Variants in DCLK3 observed in about 807,000 individuals in gnomAD.
The protein encoded by DCLK3 is serine/threonine-protein kinase DCLK3.
A neutral mutation model predicts 46.4 loss-of-function variants in DCLK3; 30 were observed. The observed-to-expected ratio is 0.65, with a 90% confidence interval of 0.48 to 0.88. The LOEUF (loss-of-function observed/expected upper bound fraction) is 0.88, where lower values mean the gene tolerates loss of function less well. Among genes scored for constraint, DCLK3 ranks in the 40% least tolerant of loss-of-function variants. The pLI, the probability that DCLK3 is intolerant of heterozygous loss-of-function variation, is 0.00. For synonymous variants in DCLK3, 401 were observed against 339.2 expected, an observed-to-expected ratio of 1.18 and a Z score of -2.00; for missense variants, 846 against 907.1, an observed-to-expected ratio of 0.93 and a Z score of 0.87.
chr3:36,731,084 G>C (rs1701192864), intron 2 of DCLK3, among the ~76,000 whole-genome samples: 1 of 152,156 alleles, frequency 6.6e-6, no homozygotes. Context: ...GCTAATGGCA[G>C]CTCTGAGCAA....
intron 1 of DCLK3, among the ~76,000 whole-genome samples, chr3:36,740,314 TG>T (rs1471219020): frequency 2.0e-5 from 3 of 152,170 alleles, no homozygotes; most frequent in Non-Finnish European, 4.4e-5. Flanking sequence ...ATAATTTCAC[TG>T]TATTAGTAGT....
At chr3:36,736,962 G>C (rs1050493370) in intron 2 of DCLK3, among the ~76,000 whole-genome samples, 1 of 152,156 alleles carries the variant, frequency 6.6e-6, no homozygotes, top group African/African-American at 2.4e-5. Flanking sequence ...TTCTCCCAGA[G>C]ATGAAGAGAC....
intron 4 of DCLK3, among the ~76,000 whole-genome samples, chr3:36,716,125 A>G (rs760657309): frequency 3.3e-5 from 5 of 152,206 alleles, no homozygotes; most frequent in African/African-American, 7.2e-5. Context: ...GCCCAAGACC[A>G]TGACTGATTT....
At chr3:36,758,991 G>A (rs558475668) in intron 1 of DCLK3, among the ~76,000 whole-genome samples, 1 of 152,280 alleles carries the variant, frequency 6.6e-6, no homozygotes, top group African/African-American at 2.4e-5. Context: ...TAGCTGTGTT[G>A]ATATTTTATT....
intron 1 of DCLK3, among the ~76,000 whole-genome samples, chr3:36,741,444 A>G (rs1701343744): frequency 6.6e-6 from 1 of 152,210 alleles, no homozygotes; most frequent in Non-Finnish European, 1.5e-5. Context: ...GGAAAAGGAT[A>G]GGCAGGCCCA....
rs760755792 is a variant in DCLK3, at chr3:36,737,289, C to A, written c.1878G>T (p.Met626Ile). ...CGAGGGCTTTGCATAAGTCCATGATCATGAGGGCAGCATCGGGCTCCGGGA... is the reference window on the plus strand; with the variant it reads ...CGAGGGCTTTGCATAAGTCCATGATAATGAGGGCAGCATCGGGCTCCGGGA... Reference protein sequence around the residue: ...VKFPEPDAALMIMDLCKALVH... With the variant: ...VKFPEPDAALIIMDLCKALVH... The change falls in exon 2 of 5, where the codon ATG becomes ATT. Residue 626 changes from methionine (M) to isoleucine (I), a missense_variant. Around this residue, in one of 3 missense-constraint regions of DCLK3, gnomAD observed 247 missense variants for 322.8 expected, o/e 0.77. Transcript: ENST00000636136. The surrounding 1 kb of genome is among the most constrained non-coding windows in gnomAD (Gnocchi z 4.4). 6.2e-7 allele frequency: 1 copy of A among 1,614,084 alleles called. No homozygotes were observed. Among genetic ancestry groups the A allele is most frequent in the East Asian group, 2.2e-5 (1 of 44,892 alleles).
At position 36,764,514 on chromosome 3, in the gene DCLK3, C is replaced by A. The variant is rs1701569412; in HGVS notation, c.-251G>T. Among the ~76,000 whole-genome samples the A allele has an allele frequency of 6.6e-6, 1 of 152,110 alleles. No individual in the cohort carries two copies. The highest frequency in any genetic ancestry group is 1.5e-5 in the Non-Finnish European group (1 of 67,982). On this transcript the variant is annotated 5_prime_UTR_variant, in exon 1 of 5. It adds an upstream start codon to the 5' untranslated region. Transcript: ENST00000636136. This position sits in a 1 kb window ranked among gnomAD's most constrained non-coding sequence, Gnocchi z 4.9. ...CAACCGCGCACCAGCTGCAGCCGCCCTCTCTGCGCCGGTCCCGCCATGCGC... is the reference window on the plus strand; with the variant it reads ...CAACCGCGCACCAGCTGCAGCCGCCATCTCTGCGCCGGTCCCGCCATGCGC...
intron 2 of DCLK3, among the ~76,000 whole-genome samples, chr3:36,726,055 A>T (rs1470130899): frequency 1.3e-5 from 2 of 152,200 alleles, no homozygotes; most frequent in Non-Finnish European, 2.9e-5. Context: ...TAAGTGTGGC[A>T]AGTATTTAGG....
chr3:36,742,626 T>TTC (rs1701354519), intron 1 of DCLK3, among the ~76,000 whole-genome samples: 1 of 152,236 alleles, frequency 6.6e-6, no homozygotes, highest in Non-Finnish European at 1.5e-5. Context: ...TTCTTCTAGC[T>TTC]ATGACTGCTT....
chr3:36,741,841 G>A (rs1701347679), intron 1 of DCLK3, among the ~76,000 whole-genome samples: 1 of 152,154 alleles, frequency 6.6e-6, no homozygotes, highest in East Asian at 1.9e-4. Context: ...TGTTATAGGA[G>A]GGAAGAAAAA....
chr3:36,761,761 C>G (rs1701541789), intron 1 of DCLK3, among the ~76,000 whole-genome samples: 1 of 152,110 alleles, frequency 6.6e-6, no homozygotes, highest in Admixed American at 6.6e-5. Flanking sequence ...AGACAAGACC[C>G]CTCTGAGAAC....
In DCLK3 at chr3:36,713,827, G is replaced by C. The variant is rs76601472; in HGVS notation, c.*1501C>G. 1 of 152,230 alleles carries C rather than the reference G, an allele frequency of 6.6e-6. No homozygotes were observed. The highest frequency in any genetic ancestry group is 1.5e-5 in the Non-Finnish European group (1 of 68,072). The allele number at this position is 152,230 out of a possible 1,614,324, so 9.4% of individuals were successfully genotyped here. A position where few individuals can be genotyped will look rare whatever the true frequency, so the allele number is the denominator to read the frequency against. ...TGGATGGCCCTTCAGTATTGTCCCT[G>C]TTTGGGACAAAGGAGCTGAGCCACC... is the stretch of plus-strand genomic sequence containing the variant. On this transcript the variant is annotated 3_prime_UTR_variant, in exon 5 of 5. Coordinates refer to ENST00000636136, the MANE Select transcript of DCLK3 (RefSeq NM_001394672.2).
intron 3 of DCLK3, among the ~76,000 whole-genome samples, chr3:36,721,214 G>T (rs1211841058): frequency 6.6e-6 from 1 of 151,980 alleles, no homozygotes; most frequent in African/African-American, 2.4e-5. Flanking sequence ...AAGTAGCCTT[G>T]CTTGCTTGAG....
At chr3:36,740,232 G>A (rs953251913) in intron 1 of DCLK3, among the ~76,000 whole-genome samples, 1 of 150,016 alleles carries the variant, frequency 6.7e-6, no homozygotes, top group African/African-American at 2.5e-5. Context: ...GAGAGTGCCT[G>A]ACACATAGTA....
At chr3:36,740,803 T>C (rs1055123258) in intron 1 of DCLK3, among the ~76,000 whole-genome samples, 3 of 152,258 alleles carry the variant, frequency 2.0e-5, no homozygotes, top group Non-Finnish European at 4.4e-5. Context: ...ATCTGCTGTT[T>C]ATGCTTCCTT....
intron 1 of DCLK3, among the ~76,000 whole-genome samples, chr3:36,755,486 T>A (rs1701477644): frequency 6.6e-6 from 1 of 152,146 alleles, no homozygotes; most frequent in African/African-American, 2.4e-5. Context: ...GAACAACTGG[T>A]TAATAATTTG....
chr3:36,722,300 T>A (rs553082944), intron 2 of DCLK3, among the ~76,000 whole-genome samples: 1 of 152,270 alleles, frequency 6.6e-6, no homozygotes, highest in East Asian at 1.9e-4. Context: ...AAAAACAGGG[T>A]GACTATAGTC....
At chr3:36,753,994 TA>T (rs1422059410) in intron 1 of DCLK3, among the ~76,000 whole-genome samples, 1 of 152,204 alleles carries the variant, frequency 6.6e-6, no homozygotes, top group Non-Finnish European at 1.5e-5. Context: ...CCCCACTTCT[TA>T]ATATGAGTAT....
intron 2 of DCLK3, among the ~76,000 whole-genome samples, chr3:36,732,412 C>T (rs1224533954): frequency 6.6e-6 from 1 of 152,130 alleles, no homozygotes; most frequent in Non-Finnish European, 1.5e-5. Context: ...CTATTATTGT[C>T]CTGGAAATTG....
Sources: allele counts gnomAD v4.1 joint callset (sites outside exome capture counted in the v4.1 genomes callset), GRCh38; gene constraint gnomAD v4.1.1; regional missense constraint gnomAD v4.1.1; non-coding constraint Gnocchi (gnomAD v3.1); transcripts MANE v1.5; gene names NCBI Gene and HGNC (gene_info 2026-07-23, HGNC 2026-07-21).